HCN1: variants seen among roughly 807,000 people sequenced by gnomAD.
The protein encoded by HCN1 is potassium/sodium hyperpolarization-activated cyclic nucleotide-gated channel 1.
In HCN1, 13 loss-of-function variants were observed where a neutral mutation model predicts 78.9. The ratio of observed to expected loss-of-function variants is 0.16; its 90% confidence interval spans 0.11 to 0.26. The LOEUF is 0.26. Among genes scored for constraint, HCN1 ranks in the 10% least tolerant of loss-of-function variants. HCN1 has a pLI of 1.00. For missense variants in HCN1, 810 were observed against 1,154.3 expected (o/e 0.70, Z 4.32); for synonymous variants, 552 against 455.5 (o/e 1.21, Z -2.70).
chr5:45,543,525 T>A (rs982828272), intron 2 of HCN1, among the ~76,000 whole-genome samples: 1 of 152,046 alleles, frequency 6.6e-6, no homozygotes, highest in African/African-American at 2.4e-5. Flanking sequence ...TAAAAATAAC[T>A]ATATAAAGAA....
chr5:45,304,370 G>T (rs965108909), intron 5 of HCN1, among the ~76,000 whole-genome samples: 1 of 151,850 alleles, frequency 6.6e-6, no homozygotes, highest in Non-Finnish European at 1.5e-5. Context: ...TTACACAAAG[G>T]AAACTCTAAT....
intron 4 of HCN1, among the ~76,000 whole-genome samples, chr5:45,376,537 C>G (rs1397803059): frequency 6.6e-6 from 1 of 150,782 alleles, no homozygotes; most frequent in Non-Finnish European, 1.5e-5. Context: ...TAAGCTAAAC[C>G]AAAACAAAAC....
chr5:45,315,154 A>G (rs1003839541), intron 5 of HCN1, among the ~76,000 whole-genome samples: 5 of 152,230 alleles, frequency 3.3e-5, no homozygotes, highest in African/African-American at 1.2e-4. Flanking sequence ...AATTGACAAC[A>G]TAGTTGGAAG....
chr5:45,301,921 A>G (rs1032160936), intron 6 of HCN1, among the ~76,000 whole-genome samples: 1 of 152,044 alleles, frequency 6.6e-6, no homozygotes, highest in South Asian at 2.1e-4. Context: ...TAGTTGCATC[A>G]TATAAAATAT....
chr5:45,264,222 A>C (rs1019845428), intron 7 of HCN1, among the ~76,000 whole-genome samples: 3 of 152,168 alleles, frequency 2.0e-5, no homozygotes, highest in African/African-American at 4.8e-5. Context: ...GACCTCAATA[A>C]ATTTTACCTT....
chr5:45,650,032 T>C (rs760244928), intron 1 of HCN1, among the ~76,000 whole-genome samples: 26 of 152,088 alleles, frequency 1.7e-4, no homozygotes, highest in Non-Finnish European at 3.5e-4. Flanking sequence ...GTATTTGAGA[T>C]GTTTTTACAT....
intron 4 of HCN1, among the ~76,000 whole-genome samples, chr5:45,355,435 G>A (rs1336572467): frequency 6.6e-6 from 1 of 151,936 alleles, no homozygotes; most frequent in Non-Finnish European, 1.5e-5. Context: ...TTGGGACACA[G>A]CAGTATGTGT....
chr5:45,498,465 G>A (rs1049081667), intron 2 of HCN1, among the ~76,000 whole-genome samples: 1 of 152,016 alleles, frequency 6.6e-6, no homozygotes, highest in Non-Finnish European at 1.5e-5. Flanking sequence ...CTCTGTATTG[G>A]TTATTCTAGT....
At chr5:45,353,859 A>G (rs981064821) in intron 4 of HCN1, among the ~76,000 whole-genome samples, 2 of 152,000 alleles carry the variant, frequency 1.3e-5, no homozygotes, top group Admixed American at 6.6e-5. Flanking sequence ...ACATTACTGT[A>G]TAGCTGAAAG....
chr5:45,658,191 A>T (rs1356436712), intron 1 of HCN1, among the ~76,000 whole-genome samples: 20 of 152,212 alleles, frequency 1.3e-4, no homozygotes, highest in Admixed American at 1.0e-3. Context: ...CCATATGTAG[A>T]AAGCTGAAAC....
intron 3 of HCN1, among the ~76,000 whole-genome samples, chr5:45,428,990 T>C (rs1740410076): frequency 6.6e-6 from 1 of 152,170 alleles, no homozygotes. Flanking sequence ...ATAATAGTAA[T>C]GTTAGCCAGG....
chr5:45,261,871 TAGTCTC>T lies in HCN1; in HGVS notation c.*44_*49del. The T allele has an allele frequency of 6.2e-7, 1 of 1,607,818 alleles. No individual in the cohort carries two copies. The highest frequency in any genetic ancestry group is 1.1e-5 in the South Asian group (1 of 90,668). ...GATAGAATAAAATAAGATCTGAGTATAGTCTCAGTTTATGAGAGTATTTCTTTCTGC... is the reference window on the plus strand; with the variant it reads ...GATAGAATAAAATAAGATCTGAGTATAGTTTATGAGAGTATTTCTTTCTGC... On this transcript the variant is annotated 3_prime_UTR_variant, in exon 8 of 8. Transcript: ENST00000303230.
intron 4 of HCN1, among the ~76,000 whole-genome samples, chr5:45,358,289 G>T (rs1747043515): frequency 6.6e-6 from 1 of 152,048 alleles, no homozygotes. Context: ...TCTAATAGAA[G>T]AATAGTAAGC....
chr5:45,460,924 G>A (rs936743067), intron 3 of HCN1, among the ~76,000 whole-genome samples: 1 of 151,506 alleles, frequency 6.6e-6, no homozygotes, highest in African/African-American at 2.4e-5. Flanking sequence ...AGAAAAGACA[G>A]TATTTGATTT....
intron 6 of HCN1, among the ~76,000 whole-genome samples, chr5:45,291,651 C>T (rs987130857): frequency 4.0e-4 from 61 of 152,006 alleles, no homozygotes; most frequent in Non-Finnish European, 8.4e-4. Context: ...GGGATCCTCC[C>T]ACTTCAGGCC....
intron 2 of HCN1, among the ~76,000 whole-genome samples, chr5:45,589,161 G>C (rs1579986851): frequency 6.6e-6 from 1 of 152,298 alleles, no homozygotes; most frequent in South Asian, 2.1e-4. Context: ...ATTGGAGATA[G>C]ACTGTAAGAA....
At chr5:45,580,219 G>C (rs902916284) in intron 2 of HCN1, among the ~76,000 whole-genome samples, 2 of 152,104 alleles carry the variant, frequency 1.3e-5, no homozygotes, top group African/African-American at 4.8e-5. Context: ...AAAATAGGGA[G>C]ATTACCTTGG....
At chr5:45,640,721 C>T (rs1580012627) in intron 2 of HCN1, among the ~76,000 whole-genome samples, 1 of 151,750 alleles carries the variant, frequency 6.6e-6, no homozygotes, top group South Asian at 2.1e-4. Flanking sequence ...ATTACAGGCA[C>T]CCGCCACCAT....
At chr5:45,624,990 T>C (rs919424359) in intron 2 of HCN1, among the ~76,000 whole-genome samples, 8 of 152,148 alleles carry the variant, frequency 5.3e-5, no homozygotes, top group Admixed American at 4.6e-4. Context: ...TTCTCTTAGT[T>C]TTCCTCATAA....
Sources: allele counts gnomAD v4.1 joint callset (sites outside exome capture counted in the v4.1 genomes callset), GRCh38; gene constraint gnomAD v4.1.1; transcripts MANE v1.5; gene names NCBI Gene and HGNC (gene_info 2026-07-23, HGNC 2026-07-21).